DHRSX: variants seen among roughly 807,000 people sequenced by gnomAD.
The protein encoded by DHRSX is dehydrogenase/reductase X-linked.
Under a neutral mutation model 34.0 loss-of-function variants are expected in DHRSX, and 31 were observed. The observed-to-expected ratio is 0.91, with a 90% CI of 0.69 to 1.23. DHRSX has a LOEUF of 1.23. DHRSX is among the 50% of genes most tolerant of loss of function. The pLI is 0.00. For missense variants in DHRSX, 414 were observed against 428.1 expected, an observed-to-expected ratio of 0.97 and a Z score of 0.29; for synonymous variants, 201 against 183.8, an observed-to-expected ratio of 1.09 and a Z score of -0.76.
At chrX:2,435,461 G>GAA (rs10606301) in intron 1 of DHRSX, among the ~76,000 whole-genome samples, 3 of 144,030 alleles carry the variant, frequency 2.1e-5, no homozygotes, top group Non-Finnish European at 3.1e-5. Context: ...ACCTTAATTG[G>GAA]AAAAAAAAAA....
chrX:2,237,017 C>G (rs759911035), intron 6 of DHRSX, among the ~76,000 whole-genome samples: 37 of 151,956 alleles, frequency 2.4e-4, no homozygotes, highest in Admixed American at 2.2e-3. Context: ...ATCGAAACCC[C>G]GTCTCTACTG....
intron 3 of DHRSX, among the ~76,000 whole-genome samples, chrX:2,329,380 C>A (rs185354890): frequency 6.6e-6 from 1 of 152,262 alleles, no homozygotes; most frequent in East Asian, 1.9e-4. Flanking sequence ...GTTCAAACGC[C>A]ATATTGGTTT....
chrX:2,294,752 G>C (rs1158781410), intron 3 of DHRSX, among the ~76,000 whole-genome samples: 1 of 150,086 alleles, frequency 6.7e-6, no homozygotes, highest in African/African-American at 2.5e-5. Context: ...AGAAGACAAA[G>C]AGAGAGACAG....
chrX:2,395,838 G>A (rs1403794282), intron 3 of DHRSX, among the ~76,000 whole-genome samples: 1 of 152,156 alleles, frequency 6.6e-6, no homozygotes, highest in Non-Finnish European at 1.5e-5. Context: ...ATGTCACACA[G>A]CTGTAGTATG....
chrX:2,356,316 A>C (rs1166988253), intron 3 of DHRSX, among the ~76,000 whole-genome samples: 1 of 152,180 alleles, frequency 6.6e-6, no homozygotes, highest in South Asian at 2.1e-4. Context: ...CAGAGGTTGC[A>C]GTGAGCCGTG....
At chrX:2,288,515 G>T (rs1485219608) in intron 4 of DHRSX, among the ~76,000 whole-genome samples, 1 of 152,160 alleles carries the variant, frequency 6.6e-6, no homozygotes, top group Admixed American at 6.5e-5. Context: ...GGTTACAGGC[G>T]TGAGCCACTA....
intron 5 of DHRSX, among the ~76,000 whole-genome samples, chrX:2,246,646 A>G (rs1324623771): frequency 6.8e-6 from 1 of 147,572 alleles, no homozygotes; most frequent in African/African-American, 2.5e-5. Flanking sequence ...GAAAGACAGA[A>G]AGAGAGAAAG....
intron 3 of DHRSX, among the ~76,000 whole-genome samples, chrX:2,347,048 G>C (rs1017107349): frequency 7.9e-5 from 12 of 152,066 alleles, no homozygotes; most frequent in Non-Finnish European, 1.6e-4. Context: ...ACAATCTATG[G>C]TCAAATAGTA....
intron 1 of DHRSX, among the ~76,000 whole-genome samples, chrX:2,459,587 CAT>C (rs1217223693): frequency 2.1e-5 from 3 of 144,196 alleles, no homozygotes; most frequent in Admixed American, 7.0e-5. Context: ...TATACACACA[CAT>C]ACAATATATA....
intron 3 of DHRSX, among the ~76,000 whole-genome samples, chrX:2,348,762 C>T (rs1175637631): frequency 3.3e-4 from 50 of 151,572 alleles, no homozygotes; most frequent in Non-Finnish European, 6.3e-4. Flanking sequence ...GGCACGATCT[C>T]GGCTCACGGC....
intron 1 of DHRSX, among the ~76,000 whole-genome samples, chrX:2,498,625 GA>G (rs10624636): frequency 0.05 from 6,372 of 128,704 alleles, 170 homozygotes; most frequent in Middle Eastern, 0.12. Flanking sequence ...CAGTAAATGG[GA>G]AAAAAAAAAA....
intron 3 of DHRSX, among the ~76,000 whole-genome samples, chrX:2,323,850 G>C (rs771267261): frequency 6.6e-6 from 1 of 151,824 alleles, no homozygotes; most frequent in African/African-American, 2.4e-5. Context: ...AGGGGCTTCC[G>C]GTTTCTCCTC....
intron 6 of DHRSX, among the ~76,000 whole-genome samples, chrX:2,242,475 G>A (rs769023012): frequency 1.3e-5 from 2 of 152,236 alleles, no homozygotes; most frequent in South Asian, 4.1e-4. Flanking sequence ...TAGGGGCTGG[G>A]TAACACGAGG....
chrX:2,414,668 A>C (rs2043671518), intron 2 of DHRSX, among the ~76,000 whole-genome samples: 1 of 152,100 alleles, frequency 6.6e-6, no homozygotes, highest in Admixed American at 6.6e-5. Flanking sequence ...TCTCATCATG[A>C]CCTAATACAA....
At chrX:2,461,006 C>T (rs1053137521) in intron 1 of DHRSX, among the ~76,000 whole-genome samples, 13 of 152,146 alleles carry the variant, frequency 8.5e-5, no homozygotes, top group Admixed American at 8.5e-4. Context: ...CAGGTGTGAG[C>T]CATTGTGCCC....
rs1445889374 is a variant in DHRSX at position 2,500,840 on chromosome X, C to G, written c.86G>C (p.Cys29Ser). 6.1e-6 allele frequency: 7 copies of G among 1,145,382 alleles called. No homozygotes were observed. The highest frequency in any genetic ancestry group is 4.3e-6 in the Non-Finnish European group (4 of 929,684). The allele number at this position is 1,145,382 out of a possible 1,614,324, so 71.0% of individuals were successfully genotyped here. The change falls in exon 1 of 7, where the codon TGC becomes TCC. Residue 29 changes from cysteine to serine, a missense_variant. Physicochemically the swap from Cys to Ser is moderately radical, Grantham distance 112. Transcript: ENST00000334651. The part of the protein sequence containing the change: ...AVILAQLLRR[C>S]RGGFLEPVFP... The stretch of plus-strand genomic sequence containing the variant: ...ACCTGGCTCCAGGAAGCCCCCGCGG[C>G]AGCGCCGCAGCAGCTGCGCCAGGAT...
At chrX:2,459,378 A>G (rs1345549261) in intron 1 of DHRSX, among the ~76,000 whole-genome samples, 1 of 151,798 alleles carries the variant, frequency 6.6e-6, no homozygotes, top group Non-Finnish European at 1.5e-5. Flanking sequence ...CTTGATTGTT[A>G]ATATGTTAAT....
At chrX:2,469,138 A>T (rs1310357407) in intron 1 of DHRSX, among the ~76,000 whole-genome samples, 1 of 151,630 alleles carries the variant, frequency 6.6e-6, no homozygotes, top group Non-Finnish European at 1.5e-5. Context: ...CAATGCGCCC[A>T]AGGGACCACC....
At chrX:2,322,326 G>A (rs1408678957) in intron 3 of DHRSX, among the ~76,000 whole-genome samples, 1 of 151,930 alleles carries the variant, frequency 6.6e-6, no homozygotes, top group Non-Finnish European at 1.5e-5. Flanking sequence ...AGGCGGGTAG[G>A]TCACCTAAGG....
Sources: allele counts gnomAD v4.1 joint callset (sites outside exome capture counted in the v4.1 genomes callset), GRCh38; gene constraint gnomAD v4.1.1; transcripts MANE v1.5; gene names NCBI Gene and HGNC (gene_info 2026-07-23, HGNC 2026-07-21).